The following KLC4 variants were observed in gnomAD, a reference collection of about 807,000 sequenced individuals.
KLC4 encodes kinesin-like protein 8.
Under a neutral mutation model 77.2 loss-of-function variants are expected in KLC4, and 49 were observed. That is an observed-to-expected ratio of 0.63 (90% CI 0.50 to 0.80). The LOEUF is 0.80. KLC4 is among the 30% of genes least tolerant of loss of function. The probability of loss-of-function intolerance (pLI) is 0.00; values close to 1 mark genes in which losing one functional copy is unlikely to be tolerated. For missense variants in KLC4, 669 were observed against 793.5 expected (o/e 0.84, Z 1.89); for synonymous variants, 274 against 314.5 (o/e 0.87, Z 1.36).
intron 11 of KLC4, 93 bp from the exon 12 acceptor site, chr6:43,072,053 TC>T: frequency 7.1e-7 from 1 of 1,405,446 alleles, no homozygotes; most frequent in Non-Finnish European, 1.0e-6. Context: ...TCTCCTATTT[TC>T]TTATTTTTTT....
Position 43,063,150 on chromosome 6 carries a change from G to C in KLC4, c.489+3G>C. The C allele has an allele frequency of 6.2e-7, 1 of 1,608,604 alleles. No homozygotes were observed. ...ATGATGAGGATGGACATACCTCGGT[G>C]AGTGTGCACAGGCGAGACTGGCTGA... On this transcript the variant is annotated splice_donor_region_variant and intron_variant, in intron 3 of 15. Coordinates refer to ENST00000347162, the MANE Select transcript of KLC4 (RefSeq NM_201521.3).
rs999433831 is a variant in KLC4 at position 43,075,020 on chromosome 6, TACTC to T, written c.*349_*352del. On this transcript the variant is annotated 3_prime_UTR_variant, in exon 16 of 16. Transcript: ENST00000347162. ...CAAGCTGCCTTGCCCTGGCCGCTCTTACTCCCTCCCTCTGCTGTCTCACTTCAGG... is the reference window on the plus strand; with the variant it reads ...CAAGCTGCCTTGCCCTGGCCGCTCTTCCTCCCTCTGCTGTCTCACTTCAGG... 18 of 307,252 alleles carry T rather than the reference TACTC, an allele frequency of 5.9e-5. No individual in the cohort carries two copies. Among genetic ancestry groups the T allele is most frequent in the African/African-American group, 3.2e-4 (15 of 46,624 alleles). The allele number at this position is 307,252 out of a possible 1,614,324, so 19.0% of individuals were successfully genotyped here.
intron 1 of KLC4, chr6:43,060,567 G>C (rs1765094061): frequency 3.2e-6 from 4 of 1,230,932 alleles, no homozygotes; most frequent in South Asian, 1.5e-5. Context: ...CCGTGCTCTG[G>C]CCTGAGTGCC....
At position 43,065,690 on chromosome 6, in the gene KLC4, C is replaced by T. The variant is rs1294265615; in HGVS notation, c.560C>T (p.Pro187Leu). The stretch of plus-strand genomic sequence containing the variant: ...TTTCCTAATGAGGAGGAAGAGGACC[C>T]CAGCAATGGCTGTGAGTCTGCCTCT... ...DLFPNEEEED[P>L]SNGLSRGQGA... Residue 187 changes from proline (P) to leucine (L), a missense_variant, in exon 4 of 16, where the codon CCC becomes CTC. Transcript: ENST00000347162. 1 of 1,612,558 alleles carries T rather than the reference C, an allele frequency of 6.2e-7. No homozygotes were observed.
intron 1 of KLC4, chr6:43,059,887 A>G: frequency 8.2e-7 from 1 of 1,214,310 alleles, no homozygotes; most frequent in Non-Finnish European, 1.0e-6. Context: ...TGCGCCACCG[A>G]CTGACTCAGT....
intron 6 of KLC4, among the ~76,000 whole-genome samples, chr6:43,069,036 A>C (rs1765596116): frequency 6.6e-6 from 1 of 151,944 alleles, no homozygotes; most frequent in Non-Finnish European, 1.5e-5. Context: ...TGAACCCAGG[A>C]GGCTGAGGTT....
intron 1 of KLC4, chr6:43,060,542 G>T: frequency 2.4e-6 from 3 of 1,269,296 alleles, no homozygotes; most frequent in Middle Eastern, 6.5e-4. Context: ...CTCTCTGGCT[G>T]CAGAACAGTT....
intron 15 of KLC4, 139 bp downstream of exon 15, chr6:43,074,104 G>T (rs1164318227): frequency 4.6e-6 from 3 of 645,254 alleles, no homozygotes; most frequent in Non-Finnish European, 7.9e-6. Context: ...AGTCATTAAG[G>T]AATCAGGCAG....
At chr6:43,072,032 G>A in intron 11 of KLC4, 110 bp downstream of exon 11, 1 of 1,396,172 alleles carries the variant, frequency 7.2e-7, no homozygotes, top group Non-Finnish European at 1.0e-6. Flanking sequence ...CTCAGCTTTA[G>A]CTCTGTTCCC....
At position 43,061,393 on chromosome 6, in the gene KLC4, G is replaced by A. The variant is rs772706000; in HGVS notation, c.58G>A (p.Glu20Lys). ...DEPAGHRLSQ[E>K]EILGSTRLVS... ...GCCTGCAGGCCACCGGCTCAGCCAA[G>A]AGGAGATCCTGGGGAGCACACGGCT... The change falls in exon 2 of 16, where the codon GAG becomes AAG. Residue 20 changes from glutamate to lysine, a missense_variant. Transcript: ENST00000347162. The A allele has an allele frequency of 6.2e-7, 1 of 1,613,932 alleles. No individual in the cohort carries two copies. The highest frequency in any genetic ancestry group is 8.5e-7 in the Non-Finnish European group (1 of 1,180,062).
At position 43,070,443 on chromosome 6, in the gene KLC4, G is replaced by C; in HGVS notation, c.969G>C (p.Glu323Asp). The C allele has an allele frequency of 6.2e-7, 1 of 1,613,248 alleles. No individual in the cohort carries two copies. The highest frequency in any genetic ancestry group is 8.5e-7 in the Non-Finnish European group (1 of 1,179,182). Residue 323 changes from glutamate to aspartate, a missense_variant, in exon 7 of 16, where the codon GAG (glutamate) becomes GAC (aspartate). By Grantham distance (45) the Glu-to-Asp change is conservative (BLOSUM62 2). Coordinates refer to ENST00000347162, the MANE Select transcript of KLC4 (RefSeq NM_201521.3). ...EAEPLCQRAL[E>D]IREKVLGTNH... Reference sequence around the variant, plus strand: ...AGCCTCTGTGCCAGCGGGCACTGGAGATTCGAGAAAAGGTACCCATGCCCT... The same window carrying C: ...AGCCTCTGTGCCAGCGGGCACTGGACATTCGAGAAAAGGTACCCATGCCCT...
chr6:43,066,173 T>G (rs971990255), intron 4 of KLC4, 133 bp from the exon 5 acceptor site: 1 of 737,972 alleles, frequency 1.4e-6, no homozygotes, highest in East Asian at 2.5e-5. Flanking sequence ...GAATAGCACT[T>G]GAGGCAGGTC....
At chr6:43,063,181 G>T in intron 3 of KLC4, 34 bp downstream of exon 3, 3 of 1,532,638 alleles carry the variant, frequency 2.0e-6, no homozygotes, top group Non-Finnish European at 2.7e-6. Flanking sequence ...GCTGAGGGGT[G>T]GGCAGCCGGG....
chr6:43,066,653 C>G (rs1765448754), intron 5 of KLC4, 128 bp downstream of exon 5: 1 of 754,664 alleles, frequency 1.3e-6, no homozygotes, highest in African/African-American at 1.8e-5. Flanking sequence ...TACACCCCAA[C>G]AGGGTGCTTC....
chr6:43,059,662 G>C lies in KLC4; in HGVS notation c.-49G>C, dbSNP rs1361084670. 2 of 1,350,402 alleles carry C rather than the reference G, an allele frequency of 1.5e-6. No individual in the cohort carries two copies. Among genetic ancestry groups the C allele is most frequent in the South Asian group, 2.0e-5 (1 of 50,576 alleles). The allele number at this position is 1,350,402 out of a possible 1,614,324, so 83.7% of individuals were successfully genotyped here. A position where few individuals can be genotyped will look rare whatever the true frequency, so the allele number is the denominator to read the frequency against. Reference sequence around the variant, plus strand: ...TTAAAGGGGCAGTACCGGCAAGAGCGGCAGCCACACCGGCAGATTGCAGGT... The same window carrying C: ...TTAAAGGGGCAGTACCGGCAAGAGCCGCAGCCACACCGGCAGATTGCAGGT... On this transcript the variant is annotated 5_prime_UTR_variant, in exon 1 of 16. Transcript: ENST00000347162.
At chr6:43,072,693 C>T in intron 12 of KLC4, 131 bp from the exon 13 acceptor site, 1 of 766,172 alleles carries the variant, frequency 1.3e-6, no homozygotes. Flanking sequence ...AGTATTATTC[C>T]AGTAGGTATA....
chr6:43,065,737 G>C, intron 4 of KLC4, 36 bp downstream of exon 4: 4 of 1,447,594 alleles, frequency 2.8e-6, no homozygotes, highest in Non-Finnish European at 2.9e-6. Flanking sequence ...GTGAAAAGGG[G>C]CAGCAGGAGG....
At chr6:43,065,827 G>A (rs1383501956) in intron 4 of KLC4, 126 bp downstream of exon 4, 5 of 666,852 alleles carry the variant, frequency 7.5e-6, no homozygotes, top group Non-Finnish European at 1.3e-5. Flanking sequence ...TGGAGACAGG[G>A]CAGGGGCTGG....
chr6:43,070,371 C>G lies in KLC4; in HGVS notation c.897C>G (p.Asn299Lys). Reference sequence around the variant, plus strand: ...CTTCATAGGTGGCTGCCACACTCAACAATTTGGCTGTGCTCTATGGCAAAA... The same window carrying G: ...CTTCATAGGTGGCTGCCACACTCAAGAATTTGGCTGTGCTCTATGGCAAAA... ...PDHPAVAATL[N>K]NLAVLYGKRG... Residue 299 changes from asparagine to lysine, a missense_variant, in exon 7 of 16, where the codon AAC becomes AAG. Physicochemically the swap from Asn to Lys is moderately conservative, Grantham distance 94 (BLOSUM62 0). Coordinates refer to ENST00000347162, the MANE Select transcript of KLC4 (RefSeq NM_201521.3). The G allele has an allele frequency of 6.2e-7, 1 of 1,613,870 alleles. No homozygotes were observed. The highest frequency in any genetic ancestry group is 8.5e-7 in the Non-Finnish European group (1 of 1,179,760).
Sources: allele counts gnomAD v4.1 joint callset (sites outside exome capture counted in the v4.1 genomes callset), GRCh38; gene constraint gnomAD v4.1.1; transcripts MANE v1.5; gene names NCBI Gene and HGNC (gene_info 2026-07-23, HGNC 2026-07-21).